Variants in FNDC3B observed in about 807,000 individuals in gnomAD.
The protein encoded by FNDC3B is fibronectin type III domain-containing protein 3B.
Under a neutral mutation model 151.5 loss-of-function variants are expected in FNDC3B, and 12 were observed. The ratio of observed to expected loss-of-function variants is 0.08; its 90% confidence interval spans 0.05 to 0.13. FNDC3B has a LOEUF of 0.13. FNDC3B is among the 10% of genes least tolerant of loss of function. The probability of loss-of-function intolerance (pLI) is 1.00; values close to 1 mark genes in which losing one functional copy is unlikely to be tolerated. For missense variants in FNDC3B, 1,214 were observed against 1,505.3 expected (o/e 0.81, Z 3.20); for synonymous variants, 528 against 549.0 (o/e 0.96, Z 0.54).
intron 4 of FNDC3B, among the ~76,000 whole-genome samples, chr3:172,232,630 G>A (rs1474889500): frequency 1.3e-5 from 2 of 152,162 alleles, no homozygotes; most frequent in East Asian, 3.8e-4. Context: ...CAACTTGAGA[G>A]AAAATATAGA....
At chr3:172,233,581 C>T (rs112565922) in intron 4 of FNDC3B, among the ~76,000 whole-genome samples, 1 of 152,284 alleles carries the variant, frequency 6.6e-6, no homozygotes, top group African/African-American at 2.4e-5. Flanking sequence ...GCAATACTTT[C>T]CCCCCATTTC....
intron 23 of FNDC3B, among the ~76,000 whole-genome samples, chr3:172,368,765 CTT>C (rs1734750715): frequency 6.6e-6 from 1 of 152,172 alleles, no homozygotes; most frequent in Non-Finnish European, 1.5e-5. Context: ...AATCCCAACA[CTT>C]TGGAAGGCCG....
chr3:172,243,501 G>T (rs911918042), intron 4 of FNDC3B, among the ~76,000 whole-genome samples: 4 of 152,126 alleles, frequency 2.6e-5, no homozygotes, highest in African/African-American at 9.7e-5. Flanking sequence ...GGTTGTGCAG[G>T]GAGACTCCTG....
At chr3:172,192,527 T>C (rs1005981273) in intron 3 of FNDC3B, among the ~76,000 whole-genome samples, 1 of 152,018 alleles carries the variant, frequency 6.6e-6, no homozygotes, top group African/African-American at 2.4e-5. Context: ...GGGAGGCAAG[T>C]AAACAAAGAT....
At chr3:172,235,983 C>T (rs1270854490) in intron 4 of FNDC3B, among the ~76,000 whole-genome samples, 3 of 152,214 alleles carry the variant, frequency 2.0e-5, no homozygotes, top group Non-Finnish European at 4.4e-5. Context: ...ATGCCCACTG[C>T]TGATAGCTTT....
chr3:172,075,733 AC>A (rs1717977347), intron 1 of FNDC3B, among the ~76,000 whole-genome samples: 1 of 35,160 alleles, frequency 2.8e-5, no homozygotes, highest in Non-Finnish European at 1.1e-4. Context: ...AAACACACAC[AC>A]ACACACACAC....
At chr3:172,169,624 AC>A (rs2108632445) in intron 3 of FNDC3B, among the ~76,000 whole-genome samples, 1 of 152,350 alleles carries the variant, frequency 6.6e-6, no homozygotes, top group Admixed American at 6.5e-5. Context: ...AAACCTTCTT[AC>A]AGGGAATGAC....
intron 2 of FNDC3B, among the ~76,000 whole-genome samples, chr3:172,115,312 C>T (rs1423407550): frequency 6.6e-6 from 1 of 152,038 alleles, no homozygotes; most frequent in Non-Finnish European, 1.5e-5. Flanking sequence ...AGAAGGAAAA[C>T]CAAAAGTGGC....
Position 172,247,793 on chromosome 3 carries a change from T to A in FNDC3B, c.508+17T>A. ...GTGAGCAAGGTGAGTAGATTTTCGT[T>A]GGCGTCAGGAGCCGTTGAAACTGAT... On this transcript the variant is annotated intron_variant, in intron 5 of 25. Transcript: ENST00000415807. 1 of 1,613,962 alleles carries A rather than the reference T, an allele frequency of 6.2e-7. No homozygotes were observed. The highest frequency in any genetic ancestry group is 1.1e-5 in the South Asian group (1 of 91,078).
At chr3:172,155,927 G>A (rs189234410) in intron 3 of FNDC3B, among the ~76,000 whole-genome samples, 3 of 152,286 alleles carry the variant, frequency 2.0e-5, no homozygotes, top group East Asian at 1.9e-4. Context: ...TTAATCCGTT[G>A]CAGTGGCAGA....
chr3:172,341,337 C>A, intron 17 of FNDC3B, 106 bp downstream of exon 17: 2 of 807,644 alleles, frequency 2.5e-6, no homozygotes, highest in Non-Finnish European at 4.4e-6. Context: ...CTTGGTAATG[C>A]AACCTAATAG....
intron 3 of FNDC3B, among the ~76,000 whole-genome samples, chr3:172,178,101 C>A (rs1723702899): frequency 6.6e-6 from 1 of 152,094 alleles, no homozygotes; most frequent in African/African-American, 2.4e-5. Context: ...TTTCTTAGGA[C>A]CATACAACTG....
chr3:172,329,084 G>T lies in FNDC3B; in HGVS notation c.1379+8G>T. The T allele has an allele frequency of 6.2e-7, 1 of 1,607,216 alleles. No homozygotes were observed. Among genetic ancestry groups the T allele is most frequent in the Non-Finnish European group, 8.5e-7 (1 of 1,175,688 alleles). On this transcript the variant is annotated splice_region_variant and intron_variant, in intron 12 of 25. Coordinates refer to ENST00000415807, the MANE Select transcript of FNDC3B (RefSeq NM_022763.4). Reference sequence around the variant, plus strand: ...AAACGACATTGGTACCAGGTATGACGTTTCCTTGTCCTCTTGCCCTTCAGC... The same window carrying T: ...AAACGACATTGGTACCAGGTATGACTTTTCCTTGTCCTCTTGCCCTTCAGC...
chr3:172,396,937 T>A (rs1046397176), intron 25 of FNDC3B, among the ~76,000 whole-genome samples: 1 of 152,238 alleles, frequency 6.6e-6, no homozygotes, highest in Non-Finnish European at 1.5e-5. Context: ...TCTCCTTCTG[T>A]CAAAGTTCGA....
chr3:172,223,684 A>G (rs1200797912), intron 3 of FNDC3B, among the ~76,000 whole-genome samples: 1 of 152,218 alleles, frequency 6.6e-6, no homozygotes, highest in Non-Finnish European at 1.5e-5. Flanking sequence ...CTAATGAGGA[A>G]GGATTGTTCC....
At chr3:172,041,491 C>CT (rs10576188) in intron 1 of FNDC3B, among the ~76,000 whole-genome samples, 80 of 136,136 alleles carry the variant, frequency 5.9e-4, no homozygotes, top group African/African-American at 1.5e-3. Flanking sequence ...TGTTCTTCTT[C>CT]TTTTTTTTTT....
chr3:172,092,659 T>C (rs1041872736), intron 1 of FNDC3B, among the ~76,000 whole-genome samples: 1 of 152,176 alleles, frequency 6.6e-6, no homozygotes, highest in Non-Finnish European at 1.5e-5. Flanking sequence ...TAGCTTTAAG[T>C]AGCACGACCT....
chr3:172,270,065 A>T (rs749156036), intron 6 of FNDC3B, among the ~76,000 whole-genome samples: 3 of 152,266 alleles, frequency 2.0e-5, no homozygotes, highest in Admixed American at 2.0e-4. Flanking sequence ...AATGACATCA[A>T]TTATTGTGAG....
intron 24 of FNDC3B, among the ~76,000 whole-genome samples, chr3:172,379,920 C>T (rs1331710989): frequency 1.3e-5 from 2 of 152,198 alleles, no homozygotes; most frequent in African/African-American, 2.4e-5. Flanking sequence ...CACTCTGATG[C>T]ATGATCAGGT....
Sources: gnomAD v4.1 joint callset for allele counts (sites outside exome capture counted in the v4.1 genomes callset) on GRCh38, gnomAD v4.1.1 for gene constraint, MANE v1.5 for transcripts, NCBI Gene and HGNC (gene_info 2026-07-23, HGNC 2026-07-21) for gene names.